ATP6V1H: variants seen among roughly 807,000 people sequenced by gnomAD.
ATP6V1H encodes V-type proton ATPase subunit H.
ATP6V1H carries 39 observed loss-of-function variants against 71.7 expected under a neutral mutation model. That is an observed-to-expected ratio of 0.54 (90% CI 0.42 to 0.71). The LOEUF is 0.71. Among genes scored for constraint, ATP6V1H ranks in the 30% least tolerant of loss-of-function variants. The pLI is 0.00. For synonymous variants in ATP6V1H, 192 were observed against 199.3 expected (o/e 0.96, Z 0.31); for missense variants, 509 against 594.9 (o/e 0.86, Z 1.50).
intron 9 of ATP6V1H, among the ~76,000 whole-genome samples, chr8:53,786,392 C>T (rs1809384583): frequency 6.6e-6 from 1 of 152,178 alleles, no homozygotes; most frequent in Non-Finnish European, 1.5e-5. Context: ...TGGAAAAGCG[C>T]AGTATTAGGG....
intron 4 of ATP6V1H, among the ~76,000 whole-genome samples, chr8:53,827,815 A>G (rs867481854): frequency 2.0e-5 from 3 of 151,792 alleles, no homozygotes; most frequent in African/African-American, 7.3e-5. Context: ...CTTTGTGTCC[A>G]TGTGTTCTCA....
At chr8:53,807,540 A>C (rs1457748568) in intron 7 of ATP6V1H, among the ~76,000 whole-genome samples, 1 of 152,222 alleles carries the variant, frequency 6.6e-6, no homozygotes, top group Non-Finnish European at 1.5e-5. Flanking sequence ...TAAGTGAAGG[A>C]AGCCAGTCAC....
Position 53,838,376 on chromosome 8 carries a change from C to T in ATP6V1H, c.113+3202G>A, listed in dbSNP as rs191081146. ...TCAGGTGATCCACCCACCTCGGCCTCGCAAAGGGCTGGGATTACAGGCGTG... is the reference window on the plus strand; with the variant it reads ...TCAGGTGATCCACCCACCTCGGCCTTGCAAAGGGCTGGGATTACAGGCGTG... On this transcript the variant is annotated intron_variant, in intron 2 of 13. Transcript: ENST00000359530. 6.0e-4 allele frequency among the ~76,000 whole-genome samples: 91 copies of T among 152,270 alleles called. 1 individual carries two copies. The East Asian group carries it at 0.014, about 24-fold the overall frequency.
intron 11 of ATP6V1H, among the ~76,000 whole-genome samples, chr8:53,760,766 T>C (rs1011150016): frequency 6.6e-6 from 1 of 152,124 alleles, no homozygotes; most frequent in East Asian, 1.9e-4. Flanking sequence ...AGTTTCAGGC[T>C]ATGATGGGAA....
chr8:53,829,353 G>T, intron 4 of ATP6V1H, 91 bp downstream of exon 4: 1 of 793,716 alleles, frequency 1.3e-6, no homozygotes, highest in Non-Finnish European at 2.1e-6. Flanking sequence ...GAGAACAAAT[G>T]TTCTAAGTGA....
chr8:53,798,489 C>G (rs982975329), intron 8 of ATP6V1H, among the ~76,000 whole-genome samples: 10 of 152,160 alleles, frequency 6.6e-5, no homozygotes, highest in Middle Eastern at 6.8e-3. Flanking sequence ...CCACTGCACT[C>G]CAGCCTGGGT....
intron 9 of ATP6V1H, among the ~76,000 whole-genome samples, chr8:53,774,272 C>A (rs748464615): frequency 1.3e-5 from 2 of 152,158 alleles, no homozygotes; most frequent in African/African-American, 2.4e-5. Context: ...GTTTATAATT[C>A]ACAGACAAAC....
At chr8:53,842,972 A>AGTTTCTC (rs1811392771) in intron 1 of ATP6V1H, 62 bp downstream of exon 1, 1 of 152,380 alleles carries the variant, frequency 6.6e-6, no homozygotes, top group African/African-American at 2.4e-5. Context: ...AGCTGGAGAA[A>AGTTTCTC]CTGCAAGAGT....
chr8:53,725,245 G>C (rs1037857323), intron 13 of ATP6V1H, among the ~76,000 whole-genome samples: 8 of 152,074 alleles, frequency 5.3e-5, no homozygotes, highest in East Asian at 1.9e-4. Flanking sequence ...AAGAGGAAGA[G>C]AGACCTGAGC....
intron 12 of ATP6V1H, among the ~76,000 whole-genome samples, chr8:53,745,413 TA>T (rs920861702): frequency 6.6e-6 from 1 of 151,174 alleles, no homozygotes; most frequent in African/African-American, 2.4e-5. Flanking sequence ...AAAAAACAAA[TA>T]AAAATAAAAC....
At chr8:53,796,197 C>T (rs765004561) in intron 8 of ATP6V1H, among the ~76,000 whole-genome samples, 1 of 152,184 alleles carries the variant, frequency 6.6e-6, no homozygotes, top group African/African-American at 2.4e-5. Context: ...ATAAGACCAC[C>T]GATAGCTTTA....
chr8:53,735,262 CGTAAA>C (rs1251279625), intron 13 of ATP6V1H, among the ~76,000 whole-genome samples: 2 of 152,178 alleles, frequency 1.3e-5, no homozygotes, highest in East Asian at 1.9e-4. Flanking sequence ...TGAAAAAGCT[CGTAAA>C]GTAACCCATG....
intron 7 of ATP6V1H, among the ~76,000 whole-genome samples, chr8:53,807,478 A>G (rs1329228107): frequency 1.3e-5 from 2 of 152,140 alleles, no homozygotes; most frequent in African/African-American, 4.8e-5. Context: ...CTCTCAATCT[A>G]AAATACTGTT....
At chr8:53,725,115 G>C (rs1806767276) in intron 13 of ATP6V1H, among the ~76,000 whole-genome samples, 1 of 152,198 alleles carries the variant, frequency 6.6e-6, no homozygotes, top group Non-Finnish European at 1.5e-5. Context: ...GGAGTATTGA[G>C]AGGAGGGGCC....
In ATP6V1H at chr8:53,743,582, G is replaced by A; in HGVS notation, c.1386C>T (p.His462=). ...AGCAAAAAGCCGTGGCATACCAGTT[G>A]TGCACCATGAGCTTCTGCACGGCCA... ...ALLAVQKLMV[H]NWEYLGKQLQ... Residue 462 remains histidine, a synonymous_variant, in exon 13 of 14, where the codon CAC becomes CAT. Coordinates refer to ENST00000359530, the MANE Select transcript of ATP6V1H (RefSeq NM_015941.4). 6.2e-7 allele frequency: 1 copy of A among 1,613,216 alleles called. No homozygotes were observed. The highest frequency in any genetic ancestry group is 8.5e-7 in the Non-Finnish European group (1 of 1,179,290).
intron 7 of ATP6V1H, chr8:53,806,785 C>T (rs1810089626): frequency 4.5e-6 from 2 of 445,106 alleles, no homozygotes; most frequent in South Asian, 3.2e-5. Context: ...TCCAGGCAAT[C>T]CTTCCAAAAA....
At chr8:53,724,302 C>T (rs1343417173) in intron 13 of ATP6V1H, among the ~76,000 whole-genome samples, 2 of 152,110 alleles carry the variant, frequency 1.3e-5, no homozygotes, top group Non-Finnish European at 1.5e-5. Flanking sequence ...AAAATCAAAG[C>T]AATTATTTAT....
chr8:53,733,381 C>T (rs1217094553), intron 13 of ATP6V1H, among the ~76,000 whole-genome samples: 1 of 152,212 alleles, frequency 6.6e-6, no homozygotes, highest in East Asian at 1.9e-4. Flanking sequence ...GAGGCCCTGG[C>T]TCAAGACCTG....
At chr8:53,770,990 A>G (rs1808632583) in intron 10 of ATP6V1H, among the ~76,000 whole-genome samples, 1 of 152,230 alleles carries the variant, frequency 6.6e-6, no homozygotes, top group Admixed American at 6.5e-5. Flanking sequence ...TGATACAGAT[A>G]ACACCTCCCA....
Sources: allele counts gnomAD v4.1 joint callset (sites outside exome capture counted in the v4.1 genomes callset), GRCh38; gene constraint gnomAD v4.1.1; transcripts MANE v1.5; gene names NCBI Gene and HGNC (gene_info 2026-07-23, HGNC 2026-07-21).